GRIA3: variants seen among roughly 807,000 people sequenced by gnomAD.
GRIA3 encodes glutamate ionotropic receptor AMPA type subunit 3.
GRIA3 carries 3 observed loss-of-function variants against 63.0 expected under a neutral mutation model. That is an observed-to-expected ratio of 0.05 (90% CI 0.02 to 0.12). The LOEUF (loss-of-function observed/expected upper bound fraction) is 0.12. Ranked by LOEUF, GRIA3 falls within the 10% of genes least tolerant of loss-of-function variation. The probability of loss-of-function intolerance (pLI) is 1.00; values close to 1 mark genes in which losing one functional copy is unlikely to be tolerated. For missense variants in GRIA3, 347 were observed against 700.9 expected (o/e 0.50, Z 5.70); for synonymous variants, 274 against 257.9 (o/e 1.06, Z -0.60).
intron 4 of GRIA3, among the ~76,000 whole-genome samples, chrX:123,339,600 A>C (rs1159915260): frequency 8.9e-6 from 1 of 111,865 alleles, no homozygotes; most frequent in Non-Finnish European, 1.9e-5. Context: ...ACTCAGCTTG[A>C]CTCAGATCAG....
chrX:123,386,571 T>C (rs191014178), intron 5 of GRIA3, among the ~76,000 whole-genome samples: 2 of 111,683 alleles, frequency 1.8e-5, no homozygotes, highest in African/African-American at 6.5e-5. Context: ...TGTTTTCTTC[T>C]AGTAGGTTTA....
At chrX:123,233,672 T>C (rs2044287565) in intron 2 of GRIA3, among the ~76,000 whole-genome samples, 2 of 111,994 alleles carry the variant, frequency 1.8e-5, no homozygotes, top group Admixed American at 1.9e-4. Context: ...TTACCAAATA[T>C]GCAGAATTCA....
intron 2 of GRIA3, among the ~76,000 whole-genome samples, chrX:123,188,341 T>C (rs1210785518): frequency 9.0e-6 from 1 of 111,236 alleles, no homozygotes; most frequent in African/African-American, 3.3e-5. Context: ...CGTCTAACCA[T>C]AGTCTTGGAA....
rs2044402586 is a variant in GRIA3, at chrX:123,253,513, A to G, written c.479A>G (p.Lys160Arg). ...CTTCTGGGTCATTACAAGTGGGAGA[A>G]GTTTGTGTACCTCTATGACACAGAA... ...LSLLGHYKWE[K>R]FVYLYDTERG... Residue 160 changes from lysine to arginine, a missense_variant, in exon 3 of 16, where the codon AAG (lysine) becomes AGG (arginine). Around this residue, in one of 8 missense-constraint regions of GRIA3, gnomAD observed 113 missense variants for 130.6 expected, o/e 0.87. Transcript: ENST00000620443. 4.1e-6 allele frequency: 5 copies of G among 1,207,814 alleles called. No individual in the cohort carries two copies. The highest frequency in any genetic ancestry group is 5.6e-6 in the Non-Finnish European group (5 of 892,051).
chrX:123,384,534 G>A (rs985559643), intron 5 of GRIA3, among the ~76,000 whole-genome samples: 11 of 111,596 alleles, frequency 9.9e-5, no homozygotes, highest in African/African-American at 3.6e-4. Flanking sequence ...CTAAGGCAGG[G>A]GAATCACTTG....
chrX:123,348,862 T>C lies in GRIA3; in HGVS notation c.697-6048T>C, dbSNP rs747257104. 4.5e-5 allele frequency among the ~76,000 whole-genome samples: 5 copies of C among 112,176 alleles called. No homozygotes were observed. The East Asian group carries it at 1.1e-3, about 25-fold the overall frequency. On this transcript the variant is annotated intron_variant, in intron 4 of 15. Coordinates refer to ENST00000620443, the MANE Select transcript of GRIA3 (RefSeq NM_007325.5). The stretch of plus-strand genomic sequence containing the variant: ...AAGATTTGAAAGTAGATGAAGATAT[T>C]CTTAAAATTTCAACCATAAATGGGA...
rs1359655552 is a variant in GRIA3 at position 123,202,744 on chromosome X, C to A, written c.268+16754C>A. ...GGGCTGCTGCACCTAAAATGTTCAC[C>A]AGGTGGGGCCCGCCAAAACTGGGCC... is the stretch of plus-strand genomic sequence containing the variant. On this transcript the variant is annotated intron_variant, in intron 2 of 15. Coordinates refer to ENST00000620443, the MANE Select transcript of GRIA3 (RefSeq NM_007325.5). 2.6e-6 allele frequency: 3 copies of A among 1,166,349 alleles called. No individual in the cohort carries two copies. In the East Asian group the frequency reaches 9.7e-5, roughly 38 times the overall value.
At chrX:123,251,499 G>A (rs1461502341) in intron 2 of GRIA3, among the ~76,000 whole-genome samples, 2 of 111,298 alleles carry the variant, frequency 1.8e-5, no homozygotes, top group South Asian at 3.9e-4. Context: ...GCAGCGGCAC[G>A]ATCTCGGCTC....
chrX:123,234,414 A>G (rs1371949094), intron 2 of GRIA3, among the ~76,000 whole-genome samples: 1 of 111,934 alleles, frequency 8.9e-6, no homozygotes, highest in Non-Finnish European at 1.9e-5. Flanking sequence ...CCATTTCACA[A>G]ATGTTTATGA....
chrX:123,368,963 G>A (rs1432312965), intron 5 of GRIA3, among the ~76,000 whole-genome samples: 1 of 111,220 alleles, frequency 9.0e-6, no homozygotes, highest in African/African-American at 3.3e-5. Flanking sequence ...TTTTGGTAGG[G>A]TTTAAAGAAA....
intron 12 of GRIA3, 81 bp from the exon 13 acceptor site, chrX:123,464,784 T>TA (rs1465790048): frequency 0.11 from 67,178 of 591,174 alleles, no homozygotes; most frequent in Non-Finnish European, 0.12. Flanking sequence ...GGATTGCAAT[T>TA]AAAAAAAAAA....
rs2045462776 is a variant in GRIA3 at position 123,404,699 on chromosome X, G to T, written c.1294-9G>T. 1 of 1,158,273 alleles carries T rather than the reference G, an allele frequency of 8.6e-7. No homozygotes were observed. The highest frequency in any genetic ancestry group is 1.8e-5 in the African/African-American group (1 of 56,074). On this transcript the variant is annotated splice_polypyrimidine_tract_variant and intron_variant, in intron 9 of 15. Coordinates refer to ENST00000620443, the MANE Select transcript of GRIA3 (RefSeq NM_007325.5). ...GAGTAATCCTTTTATCTTGCTTCTG[G>T]TCCCAAAGGAATCACCATATGTAAT...
intron 3 of GRIA3, among the ~76,000 whole-genome samples, chrX:123,324,139 A>C (rs2044885517): frequency 8.9e-6 from 1 of 112,196 alleles, no homozygotes; most frequent in Non-Finnish European, 1.9e-5. Context: ...AATGTGAAGG[A>C]CTAACACATG....
intron 4 of GRIA3, 126 bp downstream of exon 4, chrX:123,326,339 C>A: frequency 2.5e-6 from 1 of 393,768 alleles, no homozygotes; most frequent in Non-Finnish European, 4.4e-6. Flanking sequence ...GATAGTCTCT[C>A]TAATCCTTTT....
intron 4 of GRIA3, among the ~76,000 whole-genome samples, chrX:123,343,573 AAG>A (rs1220921559): frequency 3.7e-5 from 4 of 107,067 alleles, no homozygotes; most frequent in East Asian, 2.9e-4. Context: ...GAGAGAAAGC[AAG>A]AGAGAGAGAG....
chrX:123,430,034 A>C (rs1291758872), intron 12 of GRIA3, among the ~76,000 whole-genome samples: 1 of 111,732 alleles, frequency 8.9e-6, no homozygotes, highest in Non-Finnish European at 1.9e-5. Flanking sequence ...CCCAGACCCC[A>C]TCTCCCACTT....
intron 3 of GRIA3, among the ~76,000 whole-genome samples, chrX:123,309,070 T>A (rs1425325610): frequency 3.6e-5 from 4 of 112,150 alleles, no homozygotes. Context: ...ATAAGGCGTA[T>A]AACTCCTGGA....
At chrX:123,199,707 C>A (rs774522532) in intron 2 of GRIA3, among the ~76,000 whole-genome samples, 1 of 111,530 alleles carries the variant, frequency 9.0e-6, no homozygotes, top group Admixed American at 9.6e-5. Context: ...AAGTAGGTGG[C>A]AGAGAGGAAG....
At chrX:123,481,511 A>G (rs1181633253) in intron 14 of GRIA3, among the ~76,000 whole-genome samples, 2 of 112,003 alleles carry the variant, frequency 1.8e-5, no homozygotes, top group Non-Finnish European at 3.8e-5. Flanking sequence ...ACTTTTAATT[A>G]TTTAAATGAT....
Sources: allele counts gnomAD v4.1 joint callset (sites outside exome capture counted in the v4.1 genomes callset), GRCh38; gene constraint gnomAD v4.1.1; regional missense constraint gnomAD v4.1.1; transcripts MANE v1.5; gene names NCBI Gene and HGNC (gene_info 2026-07-23, HGNC 2026-07-21).